Variants in IL1RL2 observed in about 807,000 individuals in gnomAD.
IL1RL2 encodes interleukin-1 receptor-like 2.
In IL1RL2, 68 loss-of-function variants were observed where a neutral mutation model predicts 66.8. The observed-to-expected ratio is 1.02, with a 90% confidence interval of 0.84 to 1.25. The LOEUF (loss-of-function observed/expected upper bound fraction) is 1.25. IL1RL2 is among the 50% of genes most tolerant of loss of function. The pLI is 0.00. For synonymous variants in IL1RL2, 305 were observed against 264.6 expected (o/e 1.15, Z -1.48); for missense variants, 729 against 709.3 (o/e 1.03, Z -0.32).
At chr2:102,216,266 A>G (rs1287423631) in intron 6 of IL1RL2, among the ~76,000 whole-genome samples, 3 of 152,206 alleles carry the variant, frequency 2.0e-5, no homozygotes, top group Non-Finnish European at 4.4e-5. Context: ...GAATTCAACA[A>G]CAGAATTCAA....
At chr2:102,223,243 G>C (rs936873352) in intron 8 of IL1RL2, among the ~76,000 whole-genome samples, 4 of 152,120 alleles carry the variant, frequency 2.6e-5, no homozygotes, top group African/African-American at 9.7e-5. Flanking sequence ...ACCTCTTGTT[G>C]GTTTACTTGG....
chr2:102,223,192 T>C (rs1690294680), intron 8 of IL1RL2, among the ~76,000 whole-genome samples: 1 of 152,212 alleles, frequency 6.6e-6, no homozygotes. Flanking sequence ...CTTAGTTTTG[T>C]TTGTCCTGAG....
intron 6 of IL1RL2, among the ~76,000 whole-genome samples, chr2:102,215,862 A>G (rs1320698358): frequency 6.6e-6 from 1 of 152,250 alleles, no homozygotes; most frequent in Admixed American, 6.5e-5. Flanking sequence ...GGATGCATCT[A>G]CAGAAAAAGT....
chr2:102,228,969 G>T (rs1018819660), intron 9 of IL1RL2, among the ~76,000 whole-genome samples: 4 of 152,054 alleles, frequency 2.6e-5, no homozygotes, highest in African/African-American at 7.2e-5. Context: ...GTCATAGCGT[G>T]TTTTGTGTGG....
At chr2:102,228,256 G>A (rs1218514052) in intron 9 of IL1RL2, among the ~76,000 whole-genome samples, 1 of 152,180 alleles carries the variant, frequency 6.6e-6, no homozygotes, top group Non-Finnish European at 1.5e-5. Context: ...ATTAGTCCCA[G>A]ATCTTGTTTA....
intron 8 of IL1RL2, among the ~76,000 whole-genome samples, chr2:102,225,263 G>C (rs558140579): frequency 9.3e-4 from 142 of 152,332 alleles, no homozygotes; most frequent in African/African-American, 3.0e-3. Flanking sequence ...AAACAGGCTA[G>C]GGTGTAAACA....
chr2:102,215,759 G>C (rs899891358), intron 6 of IL1RL2, among the ~76,000 whole-genome samples: 1 of 152,162 alleles, frequency 6.6e-6, no homozygotes, highest in South Asian at 2.1e-4. Context: ...AGATACTGCA[G>C]ATGTGGATTG....
intron 2 of IL1RL2, 43 bp from the exon 3 acceptor site, chr2:102,189,033 T>C (rs999833700): frequency 6.8e-7 from 1 of 1,475,214 alleles, no homozygotes; most frequent in Admixed American, 1.9e-5. Flanking sequence ...AACTGAAGTT[T>C]TCTTTCATGG....
At position 102,235,226 on chromosome 2, in the gene IL1RL2, C is replaced by CA. The variant is rs752250015; in HGVS notation, c.1627_1628insA (p.Pro543HisfsTer46). 6.2e-7 allele frequency: 1 copy of CA among 1,614,108 alleles called. No individual in the cohort carries two copies. On this transcript the variant is annotated frameshift_variant, in exon 11 of 12. Transcript: ENST00000264257. LOFTEE classifies it low-confidence loss of function (END_TRUNC). ...CCACATGCCGCCCAGAAGGTGTCGGCCGTTTCCTCCGGTCCAGCTGCTGCA... is the reference window on the plus strand; with the variant it reads ...CCACATGCCGCCCAGAAGGTGTCGGCACGTTTCCTCCGGTCCAGCTGCTGCA...
At chr2:102,228,155 G>A in intron 9 of IL1RL2, among the ~76,000 whole-genome samples, 1 of 152,076 alleles carries the variant, frequency 6.6e-6, no homozygotes, top group Non-Finnish European at 1.5e-5. Flanking sequence ...TGCATTTTGT[G>A]ATGAAATTCT....
At chr2:102,239,004 C>A (rs912234048) in intron 11 of IL1RL2, among the ~76,000 whole-genome samples, 188 bp from the exon 12 acceptor site, 1 of 152,170 alleles carries the variant, frequency 6.6e-6, no homozygotes, top group African/African-American at 2.4e-5. Context: ...GTTGACACTG[C>A]TCACCTGTGA....
intron 5 of IL1RL2, among the ~76,000 whole-genome samples, chr2:102,210,212 C>T (rs1689047757): frequency 6.6e-6 from 1 of 151,898 alleles, no homozygotes; most frequent in African/African-American, 2.4e-5. Context: ...AATGTGAAGA[C>T]CCTGGCACAA....
chr2:102,225,297 G>T (rs138976365), intron 8 of IL1RL2, among the ~76,000 whole-genome samples: 8 of 152,306 alleles, frequency 5.3e-5, no homozygotes, highest in African/African-American at 1.7e-4. Context: ...TGTGCCTCTC[G>T]CACAGGCACC....
intron 9 of IL1RL2, among the ~76,000 whole-genome samples, chr2:102,227,078 CTTTTG>C (rs140698681): frequency 1.7e-4 from 26 of 152,074 alleles, no homozygotes; most frequent in African/African-American, 6.3e-4. Context: ...GACTATGCTA[CTTTTG>C]TTTTGTTTTG....
At chr2:102,214,172 G>A (rs1186300933) in intron 6 of IL1RL2, among the ~76,000 whole-genome samples, 1 of 152,016 alleles carries the variant, frequency 6.6e-6, no homozygotes, top group East Asian at 1.9e-4. Flanking sequence ...TCCTGTCTTT[G>A]GAAATTCTAG....
chr2:102,203,344 CTT>C (rs796961247), intron 5 of IL1RL2, among the ~76,000 whole-genome samples: 4 of 76,630 alleles, frequency 5.2e-5, no homozygotes, highest in Non-Finnish European at 3.6e-5. Flanking sequence ...TTTTCTCTCT[CTT>C]TTTTTTTTTT....
intron 1 of IL1RL2, 45 bp from the exon 2 acceptor site, chr2:102,187,811 C>A: frequency 4.6e-6 from 7 of 1,528,948 alleles, no homozygotes; most frequent in Non-Finnish European, 6.3e-6. Context: ...CTCGGGCCCG[C>A]CCTACTGCGT....
At chr2:102,193,315 A>G (rs1687393984) in intron 4 of IL1RL2, among the ~76,000 whole-genome samples, 1 of 152,226 alleles carries the variant, frequency 6.6e-6, no homozygotes. Flanking sequence ...TTTGTAGGGC[A>G]TGCAGATGAA....
chr2:102,189,915 G>A (rs188667984), intron 3 of IL1RL2, among the ~76,000 whole-genome samples: 49 of 152,354 alleles, frequency 3.2e-4, no homozygotes, highest in African/African-American at 1.2e-3. Flanking sequence ...GCCTCCCAAA[G>A]TGCTGGGATT....
Sources: gnomAD v4.1 joint callset for allele counts (sites outside exome capture counted in the v4.1 genomes callset) on GRCh38, gnomAD v4.1.1 for gene constraint, MANE v1.5 for transcripts, NCBI Gene and HGNC (gene_info 2026-07-23, HGNC 2026-07-21) for gene names.